The following OR2L13 variants were observed in gnomAD, a reference collection of about 807,000 sequenced individuals.
The protein encoded by OR2L13 is olfactory receptor 2L13.
OR2L13 carries 14 observed loss-of-function variants against 15.3 expected under a neutral mutation model. The observed-to-expected ratio is 0.91, with a 90% CI of 0.60 to 1.43. The LOEUF is 1.43. Among genes scored for constraint, OR2L13 ranks in the 40% most tolerant of loss-of-function variants. The probability of loss-of-function intolerance (pLI) is 0.00; values close to 1 mark genes in which losing one functional copy is unlikely to be tolerated. For missense variants in OR2L13, 367 were observed against 387.9 expected (o/e 0.95, Z 0.45); for synonymous variants, 152 against 142.9 (o/e 1.06, Z -0.45).
the OR2L13 span, chr1:247,965,632 C>A: frequency 6.4e-7 from 1 of 1,552,140 alleles, no homozygotes; most frequent in Non-Finnish European, 8.7e-7. Context: ...AGTCAGCTTC[C>A]TCTCACAGAG....
chr1:248,042,456 G>C, the OR2L13 span, among the ~76,000 whole-genome samples: 3 of 151,904 alleles, frequency 2.0e-5, no homozygotes, highest in Admixed American at 2.0e-4. Flanking sequence ...GTATACATAT[G>C]TAAATAACCT....
the OR2L13 span, chr1:248,039,411 T>C: frequency 2.6e-6 from 1 of 387,868 alleles, no homozygotes; most frequent in Admixed American, 4.3e-5. Flanking sequence ...TTGTGTGTGG[T>C]TTTTGTTTGT....
the OR2L13 span, among the ~76,000 whole-genome samples, chr1:247,988,502 C>G: frequency 6.6e-6 from 1 of 151,988 alleles, no homozygotes; most frequent in Non-Finnish European, 1.5e-5. Flanking sequence ...TTGCAGGTTT[C>G]TGATCATTTT....
chr1:247,966,195 G>A, the OR2L13 span: 11 of 1,613,852 alleles, frequency 6.8e-6, no homozygotes, highest in Admixed American at 5.0e-5. Context: ...GGGATAAGGC[G>A]GTGGCAGTAT....
chr1:248,095,607 C>CTTTTTTT (rs780686820), upstream of OR2L13, among the ~76,000 whole-genome samples: 3,654 of 37,052 alleles, frequency 0.099, 1,287 homozygotes, highest in African/African-American at 0.23. Flanking sequence ...AAAGCTGCTG[C>CTTTTTTT]TTTTTTTTTT....
the OR2L13 span, among the ~76,000 whole-genome samples, chr1:247,962,317 C>T: frequency 2.6e-5 from 4 of 152,128 alleles, no homozygotes; most frequent in Non-Finnish European, 5.9e-5. Flanking sequence ...CAGATGCTAA[C>T]TACTGATTCA....
At chr1:247,973,652 A>G in the OR2L13 span, among the ~76,000 whole-genome samples, 6 of 152,222 alleles carry the variant, frequency 3.9e-5, no homozygotes, top group African/African-American at 1.2e-4. Context: ...GAAGATATTT[A>G]TGTGGCCAAC....
the OR2L13 span, among the ~76,000 whole-genome samples, chr1:248,033,691 C>T: frequency 6.6e-6 from 1 of 151,868 alleles, no homozygotes; most frequent in South Asian, 2.1e-4. Flanking sequence ...ATTCTGCCTG[C>T]CTTAGCCTCC....
chr1:248,082,362 GGGGGGA>G, the OR2L13 span, among the ~76,000 whole-genome samples: 1 of 720 alleles, frequency 1.4e-3, no homozygotes. Flanking sequence ...GGTGGGGGGA[GGGGGGA>G]GGATAGCATT....
At chr1:248,081,371 A>G in the OR2L13 span, among the ~76,000 whole-genome samples, 1 of 152,096 alleles carries the variant, frequency 6.6e-6, no homozygotes, top group Non-Finnish European at 1.5e-5. Context: ...TTGCTTGGAG[A>G]TAAAGTTCAT....
the OR2L13 span, among the ~76,000 whole-genome samples, chr1:247,950,881 A>G: frequency 6.6e-6 from 1 of 152,092 alleles, no homozygotes; most frequent in Non-Finnish European, 1.5e-5. Context: ...ATTGTAGAAT[A>G]TATTGTATAT....
the OR2L13 span, among the ~76,000 whole-genome samples, chr1:248,034,056 A>T: frequency 1.3e-4 from 20 of 152,032 alleles, no homozygotes; most frequent in Admixed American, 1.2e-3. Context: ...ATTAATGTTC[A>T]CAAATCAGCT....
At chr1:248,066,452 A>G in the OR2L13 span, among the ~76,000 whole-genome samples, 1 of 152,184 alleles carries the variant, frequency 6.6e-6, no homozygotes, top group Non-Finnish European at 1.5e-5. Context: ...TAAAATCTGG[A>G]GAAAAAATAG....
At chr1:247,958,023 A>G in the OR2L13 span, among the ~76,000 whole-genome samples, 1 of 151,872 alleles carries the variant, frequency 6.6e-6, no homozygotes, top group Admixed American at 6.6e-5. Flanking sequence ...AGTTTTTTTA[A>G]TGGTGATGTT....
chr1:248,052,599 C>A, the OR2L13 span, among the ~76,000 whole-genome samples: 7 of 151,914 alleles, frequency 4.6e-5, no homozygotes, highest in Non-Finnish European at 8.8e-5. Flanking sequence ...GGCGTGGTGG[C>A]GGGCACCTGT....
the OR2L13 span, among the ~76,000 whole-genome samples, chr1:248,058,544 A>C: frequency 6.6e-6 from 1 of 152,090 alleles, no homozygotes; most frequent in Non-Finnish European, 1.5e-5. Flanking sequence ...ATATATATAT[A>C]TCTTCTGATA....
the OR2L13 span, chr1:248,062,498 T>C: frequency 1.3e-5 from 2 of 152,136 alleles, no homozygotes; most frequent in Non-Finnish European, 2.9e-5. Flanking sequence ...CTCACTCCTA[T>C]GCGAGAGCTA....
chr1:248,029,378 A>G, the OR2L13 span, among the ~76,000 whole-genome samples: 79 of 152,316 alleles, frequency 5.2e-4, no homozygotes, highest in Admixed American at 2.2e-3. Context: ...GGTAGATTGT[A>G]TCATTAATTC....
At chr1:248,061,783 ATATATAACTCC>A in the OR2L13 span, 2 of 555,660 alleles carry the variant, frequency 3.6e-6, no homozygotes, top group Non-Finnish European at 5.9e-6. Flanking sequence ...ATATATATGT[ATATATAACTCC>A]AAACAACCTT....
Sources: gnomAD v4.1 joint callset for allele counts (sites outside exome capture counted in the v4.1 genomes callset) on GRCh38, gnomAD v4.1.1 for gene constraint, MANE v1.5 for transcripts, NCBI Gene and HGNC (gene_info 2026-07-23, HGNC 2026-07-21) for gene names.